Variants in PABPC4L observed in about 807,000 individuals in gnomAD.
PABPC4L encodes polyadenylate-binding protein 4-like.
For synonymous variants in PABPC4L, 169 were observed against 164.1 expected, an observed-to-expected ratio of 1.03 and a Z score of -0.23; for missense variants, 452 against 451.4, an observed-to-expected ratio of 1.00 and a Z score of -0.01.
the PABPC4L span, among the ~76,000 whole-genome samples, chr4:134,061,821 A>G: frequency 6.6e-6 from 1 of 151,924 alleles, no homozygotes; most frequent in Non-Finnish European, 1.5e-5. Flanking sequence ...TTTAAGACAC[A>G]TAAGAGAAAA....
chr4:134,055,433 C>T, the PABPC4L span, among the ~76,000 whole-genome samples: 1 of 146,800 alleles, frequency 6.8e-6, no homozygotes, highest in East Asian at 2.1e-4. Flanking sequence ...AGAAGATGGT[C>T]ATCCACAAGC....
chr4:134,189,895 T>C, the PABPC4L span, among the ~76,000 whole-genome samples: 3 of 152,136 alleles, frequency 2.0e-5, no homozygotes, highest in Non-Finnish European at 4.4e-5. Flanking sequence ...AAATAGTTTC[T>C]CTTGAGGGTA....
chr4:134,034,661 G>T, the PABPC4L span, among the ~76,000 whole-genome samples: 2 of 151,980 alleles, frequency 1.3e-5, no homozygotes, highest in African/African-American at 2.4e-5. Flanking sequence ...GGAAGTAAGT[G>T]CAGATGTGGT....
the PABPC4L span, among the ~76,000 whole-genome samples, chr4:133,979,475 C>A: frequency 1.3e-5 from 2 of 152,156 alleles, no homozygotes; most frequent in Non-Finnish European, 2.9e-5. Context: ...TGAAAACATT[C>A]TAGTCCTGGC....
the PABPC4L span, among the ~76,000 whole-genome samples, chr4:134,113,456 T>G: frequency 3.9e-5 from 6 of 151,978 alleles, no homozygotes; most frequent in East Asian, 1.2e-3. Context: ...CTACAGTATT[T>G]AGTACAATAA....
At chr4:133,998,273 G>A in the PABPC4L span, among the ~76,000 whole-genome samples, 1 of 151,686 alleles carries the variant, frequency 6.6e-6, no homozygotes, top group East Asian at 1.9e-4. Context: ...TTTTGTATTA[G>A]GACCTGATTT....
the PABPC4L span, among the ~76,000 whole-genome samples, chr4:134,025,899 A>G: frequency 1.3e-5 from 2 of 152,178 alleles, no homozygotes; most frequent in African/African-American, 4.8e-5. Flanking sequence ...AAGGAAAATT[A>G]AGGTAGGGCA....
the PABPC4L span, among the ~76,000 whole-genome samples, chr4:134,022,896 A>C: frequency 6.6e-6 from 1 of 152,018 alleles, no homozygotes; most frequent in Admixed American, 6.6e-5. Flanking sequence ...AAATTTGAAT[A>C]CTATATTTTA....
the PABPC4L span, among the ~76,000 whole-genome samples, chr4:134,046,284 G>A: frequency 6.6e-6 from 1 of 152,072 alleles, no homozygotes; most frequent in Non-Finnish European, 1.5e-5. Context: ...ATAAGTTCAA[G>A]GGAAGGTACT....
At chr4:134,148,155 T>A in the PABPC4L span, among the ~76,000 whole-genome samples, 3 of 152,034 alleles carry the variant, frequency 2.0e-5, no homozygotes, top group East Asian at 5.8e-4. Context: ...ACACAGAGAT[T>A]GATACTTGGA....
the PABPC4L span, among the ~76,000 whole-genome samples, chr4:133,984,423 C>A: frequency 2.0e-5 from 3 of 151,630 alleles, no homozygotes; most frequent in Admixed American, 1.3e-4. Context: ...AATGTAAATT[C>A]AAAAATGGCA....
chr4:134,117,145 C>G, the PABPC4L span, among the ~76,000 whole-genome samples: 2 of 151,688 alleles, frequency 1.3e-5, no homozygotes, highest in East Asian at 3.9e-4. Flanking sequence ...ACAGTATCTC[C>G]CATTCCATAT....
chr4:133,949,413 C>T, the PABPC4L span, among the ~76,000 whole-genome samples: 1 of 152,124 alleles, frequency 6.6e-6, no homozygotes, highest in Admixed American at 6.5e-5. Flanking sequence ...CACTAGGCCC[C>T]AACCAATACT....
chr4:134,067,750 A>G, the PABPC4L span, among the ~76,000 whole-genome samples: 1 of 152,158 alleles, frequency 6.6e-6, no homozygotes, highest in Non-Finnish European at 1.5e-5. Context: ...GTTTCAAAGA[A>G]TATTTTATTT....
chr4:134,152,267 T>A, the PABPC4L span, among the ~76,000 whole-genome samples: 1 of 152,326 alleles, frequency 6.6e-6, no homozygotes, highest in African/African-American at 2.4e-5. Flanking sequence ...AATATTATTT[T>A]CAGGTTTTAG....
chr4:134,109,017 G>A, the PABPC4L span, among the ~76,000 whole-genome samples: 5 of 151,968 alleles, frequency 3.3e-5, no homozygotes, highest in Non-Finnish European at 7.4e-5. Flanking sequence ...CAGGTGAACA[G>A]TTCAACATAT....
the PABPC4L span, among the ~76,000 whole-genome samples, chr4:133,972,028 C>G: frequency 6.6e-6 from 1 of 152,072 alleles, no homozygotes; most frequent in Non-Finnish European, 1.5e-5. Context: ...CTACCATAAC[C>G]CAGCATACAA....
At chr4:133,983,939 T>C in the PABPC4L span, among the ~76,000 whole-genome samples, 1 of 151,860 alleles carries the variant, frequency 6.6e-6, no homozygotes, top group African/African-American at 2.4e-5. Context: ...TTAATCCCCA[T>C]TTAAATATTT....
the PABPC4L span, among the ~76,000 whole-genome samples, chr4:134,041,078 A>C: frequency 1.3e-5 from 2 of 152,072 alleles, no homozygotes; most frequent in Non-Finnish European, 2.9e-5. Flanking sequence ...AAAACAATAG[A>C]TGCTGGAGAG....
Sources: gnomAD v4.1 joint callset for allele counts (sites outside exome capture counted in the v4.1 genomes callset) on GRCh38, gnomAD v4.1.1 for gene constraint, MANE v1.5 for transcripts, NCBI Gene and HGNC (gene_info 2026-07-23, HGNC 2026-07-21) for gene names.